Variants in SDHA observed in about 807,000 individuals in gnomAD.
SDHA encodes the protein succinate dehydrogenase complex flavoprotein subunit A.
Under a neutral mutation model 78.4 loss-of-function variants are expected in SDHA, and 48 were observed. The ratio of observed to expected loss-of-function variants is 0.61; its 90% confidence interval spans 0.49 to 0.78. The LOEUF is 0.78. SDHA is among the 30% of genes least tolerant of loss of function. The probability of loss-of-function intolerance (pLI) is 0.00; values close to 1 mark genes in which losing one functional copy is unlikely to be tolerated. For missense variants in SDHA, 680 were observed against 892.7 expected (o/e 0.76, Z 3.04); for synonymous variants, 326 against 353.9 (o/e 0.92, Z 0.88).
chr5:256,337 A>G lies in SDHA; in HGVS notation c.1912A>G (p.Thr638Ala). 8 of 1,612,982 alleles carry G rather than the reference A, an allele frequency of 5.0e-6. No homozygotes were observed. The highest frequency in any genetic ancestry group is 6.8e-6 in the Non-Finnish European group (8 of 1,179,010). Reference protein sequence around the residue: ...SYVDVGTGKVTLEYRPVIDKT... With the variant: ...SYVDVGTGKVALEYRPVIDKT... ...ACCACTGACTCTTCTTTTCAAGGTC[A>G]CTCTGGAATATAGACCCGTGATCGA... The change falls in exon 15 of 15, where the codon ACT (threonine) becomes GCT (alanine). Residue 638 changes from threonine to alanine, a missense_variant. Transcript: ENST00000264932.
chr5:227,344 G>T (rs1207549717), intron 5 of SDHA, among the ~76,000 whole-genome samples: 1 of 152,244 alleles, frequency 6.6e-6, no homozygotes, highest in East Asian at 1.9e-4. Context: ...TAACACTGAA[G>T]AAAGACTTGA....
chr5:256,348 T>C lies in SDHA; in HGVS notation c.1923T>C (p.Tyr641=), dbSNP rs1444319863. ...DVGTGKVTLE[Y]RPVIDKTLNE... ...TTCTTTTCAAGGTCACTCTGGAATA[T>C]AGACCCGTGATCGACAAAACTTTGA... The change falls in exon 15 of 15, where the codon TAT becomes TAC. Residue 641 remains tyrosine (Y), a synonymous_variant. Transcript: ENST00000264932. 7 of 1,613,498 alleles carry C rather than the reference T, an allele frequency of 4.3e-6. No homozygotes were observed. The highest frequency in any genetic ancestry group is 5.9e-6 in the Non-Finnish European group (7 of 1,179,548).
intron 1 of SDHA, among the ~76,000 whole-genome samples, chr5:223,062 A>G (rs1280995769): frequency 6.6e-6 from 1 of 152,234 alleles, no homozygotes; most frequent in Non-Finnish European, 1.5e-5. Flanking sequence ...TGTAATGTGG[A>G]AAGGGCTATG....
Position 236,465 on chromosome 5 carries a change from C to T in SDHA, c.1298C>T (p.Pro433Leu), listed in dbSNP as rs747488969. Residue 433 changes from proline (P) to leucine (L), a missense_variant, in exon 10 of 15, where the codon CCC (proline) becomes CTC (leucine). By Grantham distance (98) the Pro-to-Leu change is moderately conservative. Transcript: ENST00000264932. ...RHVNGQDQIV[P>L]GLYACGEAAC... ...GTGAATGGCCAGGATCAGATTGTGC[C>T]CGGCCTGTACGCCTGTGGGGAGGCC... 8.7e-6 allele frequency: 14 copies of T among 1,613,814 alleles called. No homozygotes were observed. The highest frequency in any genetic ancestry group is 1.2e-5 in the Non-Finnish European group (14 of 1,179,816).
intron 13 of SDHA, among the ~76,000 whole-genome samples, chr5:252,170 C>T (rs1413264347): frequency 1.5e-5 from 2 of 132,006 alleles, no homozygotes; most frequent in African/African-American, 3.1e-5. Context: ...GAGGAAATGC[C>T]AGTTTATTAA....
chr5:223,415 C>T, intron 1 of SDHA, 67 bp from the exon 2 acceptor site: 3 of 1,136,220 alleles, frequency 2.6e-6, no homozygotes, highest in Non-Finnish European at 4.0e-6. Context: ...GGGGAAATTA[C>T]TATCCCCCAC....
chr5:233,469 T>C lies in SDHA; in HGVS notation c.896-8T>C. On this transcript the variant is annotated splice_polypyrimidine_tract_variant and splice_region_variant and intron_variant, in intron 7 of 14. Transcript: ENST00000264932. ...TGTTAGGTAATAAATATGTGTGGTT[T>C]TTTGCAGGCATATATGGTGCTGGTT... The C allele has an allele frequency of 6.2e-7, 1 of 1,614,058 alleles. No individual in the cohort carries two copies. The highest frequency in any genetic ancestry group is 1.1e-5 in the South Asian group (1 of 91,076).
chr5:228,994 G>A (rs1416992371), intron 6 of SDHA, among the ~76,000 whole-genome samples: 1 of 152,018 alleles, frequency 6.6e-6, no homozygotes, highest in Non-Finnish European at 1.5e-5. Flanking sequence ...CATACAAATG[G>A]CCAATTGATG....
rs1735665693 is a variant in SDHA, at chr5:234,859, C to T, written c.1065-285C>T. The T allele has an allele frequency of 4.5e-5, 22 of 483,560 alleles. No homozygotes were observed. The South Asian group carries it at 4.6e-4, about 10-fold the overall frequency. The allele number at this position is 483,560 out of a possible 1,614,324, so 30.0% of individuals were successfully genotyped here. A position where few individuals can be genotyped will look rare whatever the true frequency, so the allele number is the denominator to read the frequency against. On this transcript the variant is annotated intron_variant, in intron 8 of 14. Transcript: ENST00000264932. ...ATTTGGCATAGAGGCCTTTCTAATG[C>T]ACTTACCAAGGACACCTGCAGCAGG...
the SDHA span, among the ~76,000 whole-genome samples, chr5:262,985 G>C: frequency 6.6e-6 from 1 of 152,104 alleles, no homozygotes; most frequent in Admixed American, 6.5e-5. Flanking sequence ...TGCTGCCCAG[G>C]CTGGAGTGCA....
At chr5:263,852 C>T in the SDHA span, among the ~76,000 whole-genome samples, 1 of 92,660 alleles carries the variant, frequency 1.1e-5, no homozygotes, top group Admixed American at 1.1e-4. Context: ...CAATTCTAGA[C>T]TGCCTCAAAA....
At chr5:258,279 CTA>C (rs1365109772), downstream of SDHA, among the ~76,000 whole-genome samples, 51 of 123,986 alleles carry the variant, frequency 4.1e-4, 4 homozygotes, top group African/African-American at 6.3e-4. Context: ...TAGAGCATTA[CTA>C]TGTGAGCTCC....
chr5:264,771 G>A, the SDHA span, among the ~76,000 whole-genome samples: 1 of 152,224 alleles, frequency 6.6e-6, no homozygotes, highest in East Asian at 1.9e-4. Flanking sequence ...GATTTAGTGA[G>A]CCATAGTTTA....
chr5:251,386 T>C lies in SDHA; in HGVS notation c.1712T>C (p.Leu571Pro), dbSNP rs1736817446. The C allele has an allele frequency of 6.2e-7, 1 of 1,613,692 alleles. No homozygotes were observed. The highest frequency in any genetic ancestry group is 1.7e-5 in the Admixed American group (1 of 59,986). Reference sequence around the variant, plus strand: ...GTGGAGACCCTGGAGCTGCAGAACCTGATGCTGTGTGCGCTGCAGACCATC... The same window carrying C: ...GTGGAGACCCTGGAGCTGCAGAACCCGATGCTGTGTGCGCTGCAGACCATC... ...DLVETLELQN[L>P]MLCALQTIYG... The change falls in exon 13 of 15, where the codon CTG becomes CCG. Residue 571 changes from leucine (L) to proline (P), a missense_variant. Coordinates refer to ENST00000264932, the MANE Select transcript of SDHA (RefSeq NM_004168.4).
chr5:242,203 C>G (rs953328365), intron 11 of SDHA, among the ~76,000 whole-genome samples: 8 of 152,166 alleles, frequency 5.3e-5, no homozygotes, highest in Admixed American at 4.6e-4. Flanking sequence ...TTTTTGGGAA[C>G]AGGCCCCCAA....
chr5:230,526 T>C (rs1367663878), intron 6 of SDHA, among the ~76,000 whole-genome samples: 1 of 152,174 alleles, frequency 6.6e-6, no homozygotes, highest in Non-Finnish European at 1.5e-5. Context: ...CTCGGGAGGC[T>C]GAGGCGGAAG....
In SDHA at chr5:233,482, T is replaced by C. The variant is rs1060503713; in HGVS notation, c.901T>C (p.Tyr301His). ...EFVQFHPTGI[Y>H]GAGCLITEGC... The stretch of plus-strand genomic sequence containing the variant: ...ATATGTGTGGTTTTTTGCAGGCATA[T>C]ATGGTGCTGGTTGTCTCATTACGGA... Residue 301 changes from tyrosine (Y) to histidine (H), a missense_variant, in exon 8 of 15, where the codon TAT becomes CAT. Physicochemically the swap from Tyr to His is moderately conservative, Grantham distance 83. Transcript: ENST00000264932. 7.4e-6 allele frequency: 12 copies of C among 1,614,038 alleles called. No individual in the cohort carries two copies. The highest frequency in any genetic ancestry group is 2.2e-5 in the East Asian group (1 of 44,900).
intron 5 of SDHA, among the ~76,000 whole-genome samples, chr5:226,974 C>A (rs1318434706): frequency 6.6e-6 from 1 of 151,130 alleles, no homozygotes; most frequent in South Asian, 2.1e-4. Flanking sequence ...TCTCTTTTAC[C>A]ACCTCTGAGT....
intron 9 of SDHA, chr5:236,073 G>A (rs1473463135): frequency 1.8e-5 from 6 of 340,164 alleles, no homozygotes; most frequent in Non-Finnish European, 2.9e-5. Context: ...TGCTTCGGCT[G>A]GAGAGCAGTG....
Sources: allele counts gnomAD v4.1 joint callset (sites outside exome capture counted in the v4.1 genomes callset), GRCh38; gene constraint gnomAD v4.1.1; transcripts MANE v1.5; gene names NCBI Gene and HGNC (gene_info 2026-07-23, HGNC 2026-07-21).